POLQ: variants seen among roughly 807,000 people sequenced by gnomAD.
The protein encoded by POLQ is DNA polymerase theta, also known as epididymis secretory sperm binding protein.
POLQ carries 233 observed loss-of-function variants against 259.2 expected under a neutral mutation model. The observed-to-expected ratio is 0.90, with a 90% CI of 0.81 to 1.00. POLQ has a LOEUF of 1.00. Among genes scored for constraint, POLQ ranks in the 50% least tolerant of loss-of-function variants. POLQ has a pLI of 0.00. For synonymous variants in POLQ, 1,025 were observed against 1,048.8 expected (o/e 0.98, Z 0.44); for missense variants, 2,871 against 3,051.6 (o/e 0.94, Z 1.39).
intron 25 of POLQ, among the ~76,000 whole-genome samples, chr3:121,459,325 T>C (rs1169766998): frequency 2.7e-5 from 4 of 149,398 alleles, no homozygotes; most frequent in South Asian, 4.2e-4. Context: ...GATATAAAAA[T>C]GAAAATATGG....
chr3:121,472,745 T>C (rs1225627854), intron 21 of POLQ, among the ~76,000 whole-genome samples: 3 of 152,116 alleles, frequency 2.0e-5, no homozygotes, highest in Admixed American at 6.6e-5. Flanking sequence ...TAGATAACGG[T>C]ATAAGGACCA....
intron 14 of POLQ, 62 bp downstream of exon 14, chr3:121,496,746 T>G: frequency 6.6e-7 from 1 of 1,514,420 alleles, no homozygotes. Flanking sequence ...AAAAAAAAAG[T>G]AATCTTAACT....
chr3:121,467,653 CA>C lies in POLQ; in HGVS notation c.6846-14del. On this transcript the variant is annotated splice_polypyrimidine_tract_variant and intron_variant, in intron 23 of 29. Coordinates refer to ENST00000264233, the MANE Select transcript of POLQ (RefSeq NM_199420.4). ...CTTATATTTTCCTCTGTGGTGCAAA[CA>C]ACATCATCAGTTAGACATGAAGCAG... The C allele has an allele frequency of 6.2e-7, 1 of 1,612,186 alleles. No homozygotes were observed. Among genetic ancestry groups the C allele is most frequent in the South Asian group, 1.1e-5 (1 of 90,758 alleles).
intron 26 of POLQ, 51 bp from the exon 27 acceptor site, chr3:121,440,167 C>T: frequency 6.9e-7 from 1 of 1,442,328 alleles, no homozygotes; most frequent in East Asian, 2.3e-5. Flanking sequence ...CTATCCTTCA[C>T]TTCATTCACT....
rs371367254 is a variant in POLQ at position 121,476,698 on chromosome 3, A to C, written c.6247T>G (p.Cys2083Gly). 2.7e-5 allele frequency: 44 copies of C among 1,606,752 alleles called. No individual in the cohort carries two copies. The highest frequency in any genetic ancestry group is 8.5e-7 in the Non-Finnish European group (1 of 1,178,066). Residue 2083 changes from cysteine to glycine, a missense_variant, in exon 20 of 30, where the codon TGC becomes GGC. Cys to Gly is a radical substitution (Grantham distance 159). Coordinates refer to ENST00000264233, the MANE Select transcript of POLQ (RefSeq NM_199420.4). ...CCATTTAGTTCTAGCAAGGCCAAGC[A>C]GTACTGAGAGGGCATTTCCACCTTA... The part of the protein sequence containing the change: ...FRKVEMPSQY[C>G]LALLELNGIG...
chr3:121,489,990 G>T lies in POLQ; in HGVS notation c.2941C>A (p.Gln981Lys). 6.3e-7 allele frequency: 1 copy of T among 1,581,144 alleles called. No individual in the cohort carries two copies. The highest frequency in any genetic ancestry group is 8.5e-7 in the Non-Finnish European group (1 of 1,170,644). The change falls in exon 16 of 30, where the codon CAG becomes AAG. Residue 981 changes from glutamine to lysine, a missense_variant. By Grantham distance (53) the Gln-to-Lys change is moderately conservative. Transcript: ENST00000264233. The stretch of plus-strand genomic sequence containing the variant: ...CTTGCTCTGAAAATGGAACATGTCT[G>T]ATGTTCTTGATTCCCATTCTGGAAA... ...CNFQNGNQEH[Q>K]TCSIFRARKR...
intron 27 of POLQ, among the ~76,000 whole-genome samples, chr3:121,439,386 C>T (rs1187571509): frequency 2.6e-5 from 4 of 152,036 alleles, no homozygotes. Flanking sequence ...ATTGCACTAC[C>T]TCACTCAGCT....
chr3:121,459,369 A>ATTTTTTTTTTTTTTTTTTTTTTTTTTT (rs58859161), intron 25 of POLQ, among the ~76,000 whole-genome samples: 2 of 104,736 alleles, frequency 1.9e-5, no homozygotes, highest in African/African-American at 3.5e-5. Context: ...GACTAGAAAG[A>ATTTTTTTTTTTTTTTTTTTTTTTTTTT]TTTTTTTTTT....
chr3:121,479,451 T>C (rs2047954121), intron 19 of POLQ, among the ~76,000 whole-genome samples: 1 of 151,880 alleles, frequency 6.6e-6, no homozygotes, highest in African/African-American at 2.4e-5. Flanking sequence ...TAGCTATATA[T>C]ATATATTTTG....
intron 7 of POLQ, among the ~76,000 whole-genome samples, chr3:121,526,560 T>C (rs990628318): frequency 7.2e-5 from 11 of 152,194 alleles, no homozygotes; most frequent in African/African-American, 2.7e-4. Flanking sequence ...TTCAGGCAGA[T>C]ATCCTTTCTC....
chr3:121,486,541 G>C (rs2108796686), intron 16 of POLQ, among the ~76,000 whole-genome samples: 1 of 151,310 alleles, frequency 6.6e-6, no homozygotes, highest in South Asian at 2.1e-4. Context: ...CCAATAGCGA[G>C]ATTCTGTCTA....
intron 25 of POLQ, among the ~76,000 whole-genome samples, chr3:121,456,014 C>T (rs1343705908): frequency 6.6e-6 from 1 of 152,170 alleles, no homozygotes; most frequent in Admixed American, 6.5e-5. Context: ...TCCAGCAGCA[C>T]ATCAAAAAGC....
At chr3:121,511,645 G>A (rs2048256085) in intron 10 of POLQ, among the ~76,000 whole-genome samples, 1 of 152,032 alleles carries the variant, frequency 6.6e-6, no homozygotes, top group South Asian at 2.1e-4. Flanking sequence ...AGGGATGATG[G>A]TGTGTGCCTG....
At chr3:121,515,388 C>T (rs1380302940) in intron 9 of POLQ, among the ~76,000 whole-genome samples, 1 of 152,164 alleles carries the variant, frequency 6.6e-6, no homozygotes, top group African/African-American at 2.4e-5. Context: ...TCCACCTAAC[C>T]TCGAGGCCCA....
chr3:121,527,399 G>A (rs2048381099), intron 7 of POLQ, among the ~76,000 whole-genome samples: 1 of 152,136 alleles, frequency 6.6e-6, no homozygotes, highest in Non-Finnish European at 1.5e-5. Flanking sequence ...GTCTCACTAT[G>A]TTGCCTATGC....
intron 15 of POLQ, 23 bp downstream of exon 15, chr3:121,493,455 T>G: frequency 6.3e-7 from 1 of 1,576,576 alleles, no homozygotes; most frequent in Non-Finnish European, 8.7e-7. Context: ...CATAAGCCCA[T>G]GTAGGTAAAG....
chr3:121,515,947 C>A (rs181795255), intron 9 of POLQ, among the ~76,000 whole-genome samples: 9 of 151,656 alleles, frequency 5.9e-5, no homozygotes, highest in Non-Finnish European at 1.2e-4. Flanking sequence ...AAACAATATA[C>A]AAACAAAACA....
chr3:121,520,197 T>C, intron 8 of POLQ, 114 bp from the exon 9 acceptor site: 1 of 660,856 alleles, frequency 1.5e-6, no homozygotes, highest in Non-Finnish European at 2.7e-6. Context: ...TTTGAAACTA[T>C]TGTTATGACT....
chr3:121,474,885 T>C (rs1056916572), intron 20 of POLQ, among the ~76,000 whole-genome samples: 1 of 152,232 alleles, frequency 6.6e-6, no homozygotes, highest in Non-Finnish European at 1.5e-5. Context: ...CCTGATTTTA[T>C]TGACAAATTA....
Sources: gnomAD v4.1 joint callset for allele counts (sites outside exome capture counted in the v4.1 genomes callset) on GRCh38, gnomAD v4.1.1 for gene constraint, MANE v1.5 for transcripts, NCBI Gene and HGNC (gene_info 2026-07-23, HGNC 2026-07-21) for gene names.